ITPR2: variants seen among roughly 807,000 people sequenced by gnomAD.
The protein encoded by ITPR2 is inositol 1,4,5-trisphosphate-gated calcium channel ITPR2.
ITPR2 carries 207 observed loss-of-function variants against 317.1 expected under a neutral mutation model. That is an observed-to-expected ratio of 0.65 (90% CI 0.58 to 0.73). The LOEUF is 0.73. Ranked by LOEUF, ITPR2 falls within the 30% of genes least tolerant of loss-of-function variation. The pLI is 0.00. For synonymous variants in ITPR2, 1,156 were observed against 1,149.1 expected (o/e 1.01, Z -0.12); for missense variants, 2,613 against 3,284.0 (o/e 0.80, Z 4.99).
At chr12:26,341,597 T>C (rs1305350137) in intron 55 of ITPR2, among the ~76,000 whole-genome samples, 2 of 152,198 alleles carry the variant, frequency 1.3e-5, no homozygotes, top group African/African-American at 4.8e-5. Context: ...AAAGATAAAA[T>C]ATATTGAAGA....
intron 32 of ITPR2, among the ~76,000 whole-genome samples, chr12:26,585,437 C>T (rs931450241): frequency 2.0e-5 from 3 of 152,170 alleles, no homozygotes; most frequent in Non-Finnish European, 2.9e-5. Flanking sequence ...TACGGAGTCT[C>T]GCTCTGTCAC....
chr12:26,464,287 T>C lies in ITPR2; in HGVS notation c.6342+11009A>G, dbSNP rs911321889. 2.0e-5 allele frequency among the ~76,000 whole-genome samples: 3 copies of C among 152,358 alleles called. No individual in the cohort carries two copies. The East Asian group carries it at 5.8e-4, about 29-fold the overall frequency. On this transcript the variant is annotated intron_variant, in intron 45 of 56. Transcript: ENST00000381340. The stretch of plus-strand genomic sequence containing the variant: ...ATCAGTGGGAGCCCTGAGCTTGTTT[T>C]ACTGCAACTAGGCGGTCCCATCTGG...
intron 13 of ITPR2, among the ~76,000 whole-genome samples, chr12:26,668,592 C>T (rs1209633324): frequency 1.3e-5 from 2 of 152,132 alleles, no homozygotes; most frequent in Non-Finnish European, 2.9e-5. Context: ...TAGTAAAAGT[C>T]CAAAGCACAT....
chr12:26,683,055 T>C (rs1168436418), intron 11 of ITPR2, among the ~76,000 whole-genome samples: 2 of 152,206 alleles, frequency 1.3e-5, no homozygotes, highest in African/African-American at 4.8e-5. Context: ...ATTGATCAAA[T>C]AGCCAACTCA....
chr12:26,549,883 T>C (rs951548080), intron 37 of ITPR2, among the ~76,000 whole-genome samples: 3 of 151,970 alleles, frequency 2.0e-5, no homozygotes, highest in South Asian at 2.1e-4. Context: ...CCAAAATGCA[T>C]AGACATTCTC....
chr12:26,528,440 T>C (rs1339386680), intron 37 of ITPR2, among the ~76,000 whole-genome samples: 1 of 152,216 alleles, frequency 6.6e-6, no homozygotes, highest in Admixed American at 6.5e-5. Context: ...CTCTTCCATA[T>C]CTTTCTTAGC....
intron 1 of ITPR2, among the ~76,000 whole-genome samples, chr12:26,817,865 G>C (rs1950885672): frequency 6.6e-6 from 1 of 152,184 alleles, no homozygotes; most frequent in Admixed American, 6.5e-5. Flanking sequence ...AGGGGCAGAG[G>C]GAGGGTGGGG....
intron 1 of ITPR2, among the ~76,000 whole-genome samples, chr12:26,808,549 T>G (rs1395594499): frequency 6.6e-6 from 1 of 152,172 alleles, no homozygotes; most frequent in Admixed American, 6.5e-5. Flanking sequence ...CAGCTTAAAT[T>G]TTAATGTTAG....
At chr12:26,356,776 G>A (rs879611569) in intron 55 of ITPR2, among the ~76,000 whole-genome samples, 7 of 152,154 alleles carry the variant, frequency 4.6e-5, no homozygotes, top group Non-Finnish European at 7.3e-5. Flanking sequence ...CCAACTCCTG[G>A]CCTCAAGTGA....
chr12:26,737,198 T>A (rs1565728393), intron 2 of ITPR2, among the ~76,000 whole-genome samples: 3 of 152,092 alleles, frequency 2.0e-5, no homozygotes. Flanking sequence ...AATCTTGCCT[T>A]GGGGAGGTCT....
intron 45 of ITPR2, among the ~76,000 whole-genome samples, chr12:26,459,381 T>C (rs1941961329): frequency 6.6e-6 from 1 of 152,226 alleles, no homozygotes; most frequent in Non-Finnish European, 1.5e-5. Flanking sequence ...CTGACTCTAC[T>C]GTGCATTCTG....
At chr12:26,646,346 C>A (rs779488979) in intron 21 of ITPR2, among the ~76,000 whole-genome samples, 3 of 151,878 alleles carry the variant, frequency 2.0e-5, no homozygotes, top group Non-Finnish European at 2.9e-5. Context: ...TGTTTCTGCC[C>A]CGCCCCTCTC....
chr12:26,378,636 C>T (rs1939415073), intron 55 of ITPR2, among the ~76,000 whole-genome samples: 1 of 152,092 alleles, frequency 6.6e-6, no homozygotes, highest in South Asian at 2.1e-4. Context: ...TAAAGCTGTC[C>T]TTCTAGTTAT....
intron 53 of ITPR2, among the ~76,000 whole-genome samples, 189 bp from the exon 54 acceptor site, chr12:26,399,230 C>T (rs545817072): frequency 4.6e-5 from 7 of 152,314 alleles, no homozygotes; most frequent in Non-Finnish European, 7.4e-5. Flanking sequence ...TTTCCAGAAC[C>T]ACTTACATTT....
chr12:26,481,269 C>A (rs956510847), intron 42 of ITPR2, 28 bp from the exon 43 acceptor site: 3 of 1,275,682 alleles, frequency 2.4e-6, no homozygotes, highest in Admixed American at 1.7e-5. Context: ...TGTAAAATAT[C>A]ATTTTATTCA....
chr12:26,749,959 A>G (rs1949387588), intron 2 of ITPR2, among the ~76,000 whole-genome samples: 1 of 152,218 alleles, frequency 6.6e-6, no homozygotes, highest in Non-Finnish European at 1.5e-5. Flanking sequence ...TGAAAAACCC[A>G]CAAGACAAGT....
chr12:26,506,416 G>A (rs1943185024), intron 37 of ITPR2, among the ~76,000 whole-genome samples: 1 of 151,430 alleles, frequency 6.6e-6, no homozygotes, highest in East Asian at 1.9e-4. Flanking sequence ...GCTGAGGTGG[G>A]AGGATCGCTT....
At chr12:26,607,177 C>T (rs1044733141) in intron 26 of ITPR2, among the ~76,000 whole-genome samples, 2 of 152,150 alleles carry the variant, frequency 1.3e-5, no homozygotes, top group African/African-American at 4.8e-5. Flanking sequence ...TTCTGCTCAC[C>T]ATCTGTACTG....
At chr12:26,450,533 T>C (rs1941713059) in intron 45 of ITPR2, among the ~76,000 whole-genome samples, 1 of 152,196 alleles carries the variant, frequency 6.6e-6, no homozygotes. Flanking sequence ...GTCAGAGTCC[T>C]GTGAGAAAGA....
Sources: allele counts gnomAD v4.1 joint callset (sites outside exome capture counted in the v4.1 genomes callset), GRCh38; gene constraint gnomAD v4.1.1; transcripts MANE v1.5; gene names NCBI Gene and HGNC (gene_info 2026-07-23, HGNC 2026-07-21).